The following SNAPC3 variants were observed in gnomAD, a reference collection of about 807,000 sequenced individuals.
SNAPC3 encodes small nuclear RNA activating complex polypeptide 3, also known as snRNA-activating protein complex subunit 3.
Under a neutral mutation model 47.7 loss-of-function variants are expected in SNAPC3, and 56 were observed. The ratio of observed to expected loss-of-function variants is 1.18; its 90% CI spans 0.95 to 1.47. The LOEUF is 1.47. SNAPC3 is among the 40% of genes most tolerant of loss of function. SNAPC3 has a pLI of 0.00. For missense variants in SNAPC3, 665 were observed against 511.3 expected, an observed-to-expected ratio of 1.30 and a Z score of -2.90; for synonymous variants, 235 against 189.9, an observed-to-expected ratio of 1.24 and a Z score of -1.95.
intron 1 of SNAPC3, 94 bp downstream of exon 1, chr9:15,423,287 C>G (rs2030838395): frequency 7.7e-7 from 1 of 1,292,534 alleles, no homozygotes; most frequent in Non-Finnish European, 1.0e-6. Context: ...TGAGAAGGGC[C>G]TGTGGTTTAG....
At position 15,439,693 on chromosome 9, in the gene SNAPC3, C is replaced by T. The variant is rs543604525; in HGVS notation, c.478-4909C>T. On this transcript the variant is annotated intron_variant, in intron 3 of 8. Transcript: ENST00000380821. ...GGAACTACAAGCACCCACCACCACACCCGGCTAATTTTTGTATTTTTGTAG... is the reference window on the plus strand; with the variant it reads ...GGAACTACAAGCACCCACCACCACATCCGGCTAATTTTTGTATTTTTGTAG... Among the ~76,000 whole-genome samples the T allele has an allele frequency of 1.3e-4, 20 of 152,166 alleles. No individual in the cohort carries two copies. The East Asian group carries it at 3.9e-3, about 29-fold the overall frequency.
rs886743236 is a variant in SNAPC3, at chr9:15,447,171, G to A, written c.659G>A (p.Arg220Gln). The change falls in exon 5 of 9, where the codon CGA becomes CAA. Residue 220 changes from arginine (R) to glutamine (Q), a missense_variant. Arg to Gln is a conservative substitution (Grantham distance 43, BLOSUM62 1). Transcript: ENST00000380821. The stretch of plus-strand genomic sequence containing the variant: ...CTCACACAACTGAGGGATTCAATTC[G>A]ATGTGTCAGTGACCTCCAGATTGGT... ...QKLTQLRDSI[R>Q]CVSDLQIGGE... 3.7e-6 allele frequency: 6 copies of A among 1,613,728 alleles called. No individual in the cohort carries two copies. The highest frequency in any genetic ancestry group is 1.7e-5 in the Admixed American group (1 of 59,988).
At chr9:15,442,193 G>A (rs182056051) in intron 3 of SNAPC3, among the ~76,000 whole-genome samples, 3,503 of 137,120 alleles carry the variant, frequency 0.026, 202 homozygotes, top group African/African-American at 0.063. Flanking sequence ...GCGGCTGGCC[G>A]GGCGGGGGCT....
rs753459721 is a variant in SNAPC3, at chr9:15,459,893, C to T, written c.*27C>T. ...AATAGCTACACTCACAAAAATACCC[C>T]CTCATGAAATAACTGTTCTCTTGGA... On this transcript the variant is annotated 3_prime_UTR_variant, in exon 9 of 9. Transcript: ENST00000380821. 14 of 1,592,066 alleles carry T rather than the reference C, an allele frequency of 8.8e-6. No homozygotes were observed. The highest frequency in any genetic ancestry group is 1.1e-5 in the Non-Finnish European group (13 of 1,166,670).
At chr9:15,439,917 G>A (rs2033173240) in intron 3 of SNAPC3, among the ~76,000 whole-genome samples, 1 of 152,202 alleles carries the variant, frequency 6.6e-6, no homozygotes. Flanking sequence ...GACTTAGGAT[G>A]TTTTGACTTT....
At chr9:15,442,598 A>G (rs1490186285) in intron 3 of SNAPC3, among the ~76,000 whole-genome samples, 14 of 146,652 alleles carry the variant, frequency 9.5e-5, no homozygotes, top group Admixed American at 9.4e-4. Context: ...GGCGTTCCCC[A>G]CATCTCAGAC....
intron 2 of SNAPC3, among the ~76,000 whole-genome samples, chr9:15,429,996 AG>A (rs1298398959): frequency 2.0e-5 from 3 of 152,226 alleles, no homozygotes; most frequent in Non-Finnish European, 4.4e-5. Flanking sequence ...CATGTGATAA[AG>A]GACACTTTTT....
chr9:15,432,411 A>G (rs1291085652), intron 2 of SNAPC3, among the ~76,000 whole-genome samples: 1 of 152,180 alleles, frequency 6.6e-6, no homozygotes, highest in Admixed American at 6.6e-5. Context: ...GTCTCTAAAC[A>G]CCTTTTTCCA....
downstream of SNAPC3, chr9:15,465,670 C>CCAA: frequency 8.9e-7 from 1 of 1,128,270 alleles, no homozygotes; most frequent in Non-Finnish European, 1.3e-6. Context: ...TATTTTTAAA[C>CCAA]CCATGAAAAG....
intron 7 of SNAPC3, chr9:15,453,624 T>C (rs1363892783): frequency 6.5e-6 from 1 of 153,826 alleles, no homozygotes; most frequent in Non-Finnish European, 1.4e-5. Context: ...ATTTGACAAA[T>C]GTGAAGTCTT....
chr9:15,459,059 C>G (rs991731460), intron 8 of SNAPC3, among the ~76,000 whole-genome samples: 1 of 152,114 alleles, frequency 6.6e-6, no homozygotes, highest in Non-Finnish European at 1.5e-5. Context: ...GCCACCCCAC[C>G]ACAATATTCT....
intron 2 of SNAPC3, among the ~76,000 whole-genome samples, 160 bp downstream of exon 2, chr9:15,424,146 G>A (rs2031005561): frequency 1.3e-5 from 2 of 152,092 alleles, no homozygotes; most frequent in African/African-American, 4.8e-5. Flanking sequence ...CGTGTGTATG[G>A]GATGCCTGCT....
chr9:15,459,731 C>A lies in SNAPC3; in HGVS notation c.1101C>A (p.Asn367Lys), dbSNP rs1554651236. The A allele has an allele frequency of 1.2e-6, 2 of 1,612,656 alleles. No homozygotes were observed. Among genetic ancestry groups the A allele is most frequent in the East Asian group, 2.2e-5 (1 of 44,862 alleles). The change falls in exon 9 of 9, where the codon AAC becomes AAA. Residue 367 changes from asparagine to lysine, a missense_variant. Asn to Lys is a moderately conservative substitution (Grantham distance 94). Coordinates refer to ENST00000380821, the MANE Select transcript of SNAPC3 (RefSeq NM_001039697.2). The stretch of plus-strand genomic sequence containing the variant: ...TTAAAAACTACAGATGGGTGACGAA[C>A]AATGACAGTTTTGCACCAGAGGACC... ...CKMYTARWVT[N>K]NDSFAPEDPC... is the part of the protein sequence containing the mutation.
intron 3 of SNAPC3, among the ~76,000 whole-genome samples, chr9:15,439,857 T>C (rs542120176): frequency 3.2e-4 from 49 of 152,348 alleles, no homozygotes; most frequent in African/African-American, 1.2e-3. Flanking sequence ...AATCTTAAAA[T>C]TGAAACAACT....
chr9:15,457,556 C>A (rs1254221913), intron 7 of SNAPC3, among the ~76,000 whole-genome samples: 1 of 152,108 alleles, frequency 6.6e-6, no homozygotes, highest in Non-Finnish European at 1.5e-5. Context: ...GATCATGCCA[C>A]CGTACTCCAG....
chr9:15,423,616 C>T (rs780747898), intron 1 of SNAPC3, among the ~76,000 whole-genome samples: 2 of 152,160 alleles, frequency 1.3e-5, no homozygotes, highest in African/African-American at 2.4e-5. Context: ...TTTTGGGGAC[C>T]TTCCGGGTAT....
Position 15,453,026 on chromosome 9 carries a change from CT to C in SNAPC3, c.816-11del. 3.8e-6 allele frequency: 6 copies of C among 1,595,324 alleles called. No homozygotes were observed. Among genetic ancestry groups the C allele is most frequent in the South Asian group, 1.1e-5 (1 of 87,286 alleles). ...TTGTGGAAAAATGATATATCCTTGC[CT>C]TTTCCCCCCTCAGAACTATCATTGA... is the stretch of plus-strand genomic sequence containing the variant. On this transcript the variant is annotated splice_polypyrimidine_tract_variant and intron_variant, in intron 6 of 8. Coordinates refer to ENST00000380821, the MANE Select transcript of SNAPC3 (RefSeq NM_001039697.2).
rs565225143 is a variant in SNAPC3 at position 15,459,988 on chromosome 9, A to C, written c.*122A>C. 253 of 714,774 alleles carry C rather than the reference A, an allele frequency of 3.5e-4. 1 individual carries two copies. The African/African-American group carries it at 4.3e-3, about 12-fold the overall frequency. 44.3% of individuals were successfully genotyped at this position (714,774 alleles called of 1,614,324 possible). Reference sequence around the variant, plus strand: ...CTTTGAACAGTCCGCTAAAGCTATCAAAAAAAAGTCCAAATGACAGATTTT... The same window carrying C: ...CTTTGAACAGTCCGCTAAAGCTATCCAAAAAAAGTCCAAATGACAGATTTT... On this transcript the variant is annotated 3_prime_UTR_variant, in exon 9 of 9. Transcript: ENST00000380821.
downstream of SNAPC3, chr9:15,465,274 A>T: frequency 2.3e-6 from 1 of 426,268 alleles, no homozygotes; most frequent in Non-Finnish European, 4.1e-6. Flanking sequence ...CCATGTCTGG[A>T]AAAGCAGTTT....
Sources: gnomAD v4.1 joint callset for allele counts (sites outside exome capture counted in the v4.1 genomes callset) on GRCh38, gnomAD v4.1.1 for gene constraint, MANE v1.5 for transcripts, NCBI Gene and HGNC (gene_info 2026-07-23, HGNC 2026-07-21) for gene names.